MTMR7: variants seen among roughly 807,000 people sequenced by gnomAD.
The protein encoded by MTMR7 is phosphatidylinositol-3-phosphate phosphatase MTMR7.
In MTMR7, 76 loss-of-function variants were observed where a neutral mutation model predicts 81.2. The ratio of observed to expected loss-of-function variants is 0.94; its 90% confidence interval spans 0.78 to 1.13. The LOEUF is 1.13. Among genes scored for constraint, MTMR7 ranks in the 50% most tolerant of loss-of-function variants. MTMR7 has a pLI of 0.00. For missense variants in MTMR7, 1,044 were observed against 820.0 expected (o/e 1.27, Z -3.34); for synonymous variants, 372 against 289.8 (o/e 1.28, Z -2.88).
At chr8:17,412,202 C>T (rs768874028) in intron 1 of MTMR7, among the ~76,000 whole-genome samples, 43 of 152,242 alleles carry the variant, frequency 2.8e-4, no homozygotes, top group Non-Finnish European at 5.3e-4. Flanking sequence ...TCTGCTTTTA[C>T]AAAAAGGTAC....
rs1816712355 is a variant in MTMR7 at position 17,297,063 on chromosome 8, A to ATAT, written c.*2796_*2798dup. 1 of 152,170 alleles carries ATAT rather than the reference A, an allele frequency of 6.6e-6. No homozygotes were observed. Among genetic ancestry groups the ATAT allele is most frequent in the African/African-American group, 2.4e-5 (1 of 41,452 alleles). The allele number at this position is 152,170 out of a possible 1,614,324, so 9.4% of individuals were successfully genotyped here. ...CCATTTTTTCTAATTTTATGGCTAT[A>ATAT]TATTTTCTTCATAAAAATTGGTCAC... On this transcript the variant is annotated 3_prime_UTR_variant, in exon 14 of 14. Transcript: ENST00000180173.
At chr8:17,410,036 T>C (rs1410085708) in intron 1 of MTMR7, among the ~76,000 whole-genome samples, 1 of 152,058 alleles carries the variant, frequency 6.6e-6, no homozygotes, top group Non-Finnish European at 1.5e-5. Context: ...ATATCCTGGG[T>C]ACAAAGGGAA....
intron 3 of MTMR7, among the ~76,000 whole-genome samples, chr8:17,365,282 A>G (rs1424471622): frequency 6.6e-6 from 1 of 151,908 alleles, no homozygotes; most frequent in Non-Finnish European, 1.5e-5. Flanking sequence ...TTTCCTATAG[A>G]GTTGTTTGAG....
At chr8:17,347,527 C>T (rs571155687) in intron 5 of MTMR7, among the ~76,000 whole-genome samples, 1 of 152,326 alleles carries the variant, frequency 6.6e-6, no homozygotes, top group South Asian at 2.1e-4. Flanking sequence ...TGTGGATACA[C>T]ACTCACACAA....
chr8:17,345,806 C>T (rs574980148), intron 5 of MTMR7, among the ~76,000 whole-genome samples: 5 of 152,266 alleles, frequency 3.3e-5, no homozygotes, highest in African/African-American at 1.2e-4. Context: ...GTTCCCAGTG[C>T]CCAAAATTAG....
chr8:17,354,866 T>A (rs576307018), intron 4 of MTMR7, among the ~76,000 whole-genome samples: 17 of 152,312 alleles, frequency 1.1e-4, no homozygotes, highest in African/African-American at 3.8e-4. Flanking sequence ...TCAGGATACA[T>A]CATCTTCCTC....
chr8:17,353,793 C>T (rs1210906421), intron 4 of MTMR7, among the ~76,000 whole-genome samples: 1 of 152,172 alleles, frequency 6.6e-6, no homozygotes, highest in Non-Finnish European at 1.5e-5. Context: ...TTTCTTTGTG[C>T]TCCACTAAAT....
chr8:17,389,474 T>C (rs1821040777), intron 1 of MTMR7, among the ~76,000 whole-genome samples: 1 of 152,178 alleles, frequency 6.6e-6, no homozygotes, highest in Non-Finnish European at 1.5e-5. Context: ...ATGATCACAC[T>C]TCAGAACATC....
intron 7 of MTMR7, among the ~76,000 whole-genome samples, chr8:17,321,034 T>G (rs1381290238): frequency 6.6e-6 from 1 of 152,174 alleles, no homozygotes; most frequent in Admixed American, 6.5e-5. Flanking sequence ...TTTCCAGTTG[T>G]TATTATAGGG....
chr8:17,383,452 T>G (rs753732941), intron 1 of MTMR7, among the ~76,000 whole-genome samples: 19 of 152,160 alleles, frequency 1.2e-4, no homozygotes, highest in African/African-American at 4.6e-4. Flanking sequence ...ATGAAGAGCA[T>G]GAAAAATCAA....
intron 7 of MTMR7, among the ~76,000 whole-genome samples, chr8:17,317,173 C>T (rs1381204241): frequency 6.6e-6 from 1 of 152,076 alleles, no homozygotes; most frequent in Non-Finnish European, 1.5e-5. Context: ...GCATGTTGAG[C>T]TTTCCTCAGT....
intron 3 of MTMR7, among the ~76,000 whole-genome samples, chr8:17,368,773 C>T (rs1820316778): frequency 6.6e-6 from 1 of 152,188 alleles, no homozygotes; most frequent in African/African-American, 2.4e-5. Context: ...ATTTCTAATG[C>T]CCATGTTTCA....
intron 3 of MTMR7, among the ~76,000 whole-genome samples, chr8:17,366,489 C>A (rs1346610188): frequency 6.6e-6 from 1 of 152,088 alleles, no homozygotes; most frequent in African/African-American, 2.4e-5. Flanking sequence ...AACTTACCAA[C>A]AGTCATCAGG....
At chr8:17,377,758 G>A (rs1023353607) in intron 1 of MTMR7, among the ~76,000 whole-genome samples, 1 of 151,966 alleles carries the variant, frequency 6.6e-6, no homozygotes, top group Non-Finnish European at 1.5e-5. Flanking sequence ...GTCTATAATT[G>A]CACTTTTTAT....
At position 17,361,288 on chromosome 8, in the gene MTMR7, T is replaced by G. The variant is rs1438904232; in HGVS notation, c.311-14A>C. 6.2e-7 allele frequency: 1 copy of G among 1,613,682 alleles called. No individual in the cohort carries two copies. Among genetic ancestry groups the G allele is most frequent in the African/African-American group, 1.3e-5 (1 of 74,870 alleles). On this transcript the variant is annotated splice_polypyrimidine_tract_variant and intron_variant, in intron 3 of 13. Coordinates refer to ENST00000180173, the MANE Select transcript of MTMR7 (RefSeq NM_004686.5). ...CCTCATATTTCACTGCAAGAAAAGGTAGGATAAAGTTAAATCAAGCTTAGT... is the reference window on the plus strand; with the variant it reads ...CCTCATATTTCACTGCAAGAAAAGGGAGGATAAAGTTAAATCAAGCTTAGT...
intron 1 of MTMR7, among the ~76,000 whole-genome samples, chr8:17,374,982 G>C (rs765430805): frequency 1.3e-5 from 2 of 152,070 alleles, no homozygotes; most frequent in Non-Finnish European, 2.9e-5. Context: ...CCATCCACTC[G>C]GAAGGCTGCG....
At chr8:17,366,432 C>T (rs1040016314) in intron 3 of MTMR7, among the ~76,000 whole-genome samples, 11 of 151,926 alleles carry the variant, frequency 7.2e-5, no homozygotes, top group African/African-American at 2.7e-4. Flanking sequence ...AAAAAACAAA[C>T]ATGAATCAGC....
In MTMR7 at chr8:17,371,203, G is replaced by C; in HGVS notation, c.148-4C>G. 1.2e-6 allele frequency: 2 copies of C among 1,613,682 alleles called. No individual in the cohort carries two copies. The highest frequency in any genetic ancestry group is 2.7e-5 in the African/African-American group (2 of 75,018). On this transcript the variant is annotated splice_polypyrimidine_tract_variant and splice_region_variant and intron_variant, in intron 2 of 13. Transcript: ENST00000180173. ...TGGAAATCTGACTGTGAAGAATCTA[G>C]AACCAAATGTTAATGTGCATAAGCT...
intron 4 of MTMR7, among the ~76,000 whole-genome samples, chr8:17,354,823 C>T (rs1819839692): frequency 6.6e-6 from 1 of 152,204 alleles, no homozygotes; most frequent in African/African-American, 2.4e-5. Flanking sequence ...TGAAATAAGA[C>T]AACTTGTGTT....
Sources: gnomAD v4.1 joint callset for allele counts (sites outside exome capture counted in the v4.1 genomes callset) on GRCh38, gnomAD v4.1.1 for gene constraint, MANE v1.5 for transcripts, NCBI Gene and HGNC (gene_info 2026-07-23, HGNC 2026-07-21) for gene names.